Variants in SCAPER observed in about 807,000 individuals in gnomAD.
SCAPER encodes S phase cyclin A-associated protein in the endoplasmic reticulum.
A neutral mutation model predicts 182.2 loss-of-function variants in SCAPER; 98 were observed. The ratio of observed to expected loss-of-function variants is 0.54; its 90% CI spans 0.46 to 0.64. SCAPER has a LOEUF of 0.64. SCAPER is among the 30% of genes least tolerant of loss of function. The pLI is 0.00. For missense variants in SCAPER, 1,432 were observed against 1,690.0 expected, an observed-to-expected ratio of 0.85 and a Z score of 2.68; for synonymous variants, 605 against 564.6, an observed-to-expected ratio of 1.07 and a Z score of -1.01.
At chr15:76,668,834 CA>C (rs890377891) in intron 20 of SCAPER, among the ~76,000 whole-genome samples, 5 of 152,194 alleles carry the variant, frequency 3.3e-5, no homozygotes, top group Admixed American at 2.0e-4. Context: ...AAAAGAGAGT[CA>C]ATGTAATAAC....
At chr15:76,674,920 C>T (rs2057276290) in intron 20 of SCAPER, among the ~76,000 whole-genome samples, 1 of 152,220 alleles carries the variant, frequency 6.6e-6, no homozygotes, top group Admixed American at 6.5e-5. Context: ...ATGATTGTGA[C>T]AAGTTTTAAA....
At chr15:76,549,589 G>T (rs1036314458) in intron 23 of SCAPER, among the ~76,000 whole-genome samples, 3 of 152,090 alleles carry the variant, frequency 2.0e-5, no homozygotes. Flanking sequence ...ACACTCTGGG[G>T]ACTGTTGTGG....
chr15:76,871,300 T>C (rs1373487627), intron 2 of SCAPER, among the ~76,000 whole-genome samples: 1 of 150,722 alleles, frequency 6.6e-6, no homozygotes, highest in African/African-American at 2.4e-5. Context: ...TCCCAGCTAC[T>C]TGGGGGACTG....
intron 5 of SCAPER, among the ~76,000 whole-genome samples, chr15:76,816,777 C>T (rs537041991): frequency 2.6e-5 from 4 of 151,836 alleles, no homozygotes; most frequent in South Asian, 2.1e-4. Context: ...CTCAGCCTCC[C>T]GAGTAGCTGG....
intron 2 of SCAPER, among the ~76,000 whole-genome samples, chr15:76,880,001 C>G (rs539157245): frequency 6.6e-6 from 1 of 152,218 alleles, no homozygotes; most frequent in Non-Finnish European, 1.5e-5. Context: ...GAATAACTGG[C>G]AGAATGATTT....
At chr15:76,817,755 G>A (rs987545196) in intron 5 of SCAPER, among the ~76,000 whole-genome samples, 15 of 151,946 alleles carry the variant, frequency 9.9e-5, no homozygotes, top group African/African-American at 3.6e-4. Flanking sequence ...AAATACTTAG[G>A]TATAAAACTA....
At chr15:76,724,211 C>G (rs559539171) in intron 17 of SCAPER, among the ~76,000 whole-genome samples, 16 of 149,478 alleles carry the variant, frequency 1.1e-4, no homozygotes, top group Admixed American at 1.0e-3. Context: ...ATATGAAATA[C>G]TGGGTTGAAA....
intron 26 of SCAPER, among the ~76,000 whole-genome samples, chr15:76,428,192 T>G (rs552643216): frequency 2.0e-5 from 3 of 152,160 alleles, no homozygotes; most frequent in Admixed American, 2.0e-4. Context: ...TAAACTAGTA[T>G]AGCCATCATG....
intron 16 of SCAPER, among the ~76,000 whole-genome samples, chr15:76,732,313 A>T (rs1467373417): frequency 2.0e-5 from 3 of 152,230 alleles, no homozygotes; most frequent in Non-Finnish European, 1.5e-5. Context: ...TATAGATCAC[A>T]GATATGATTA....
At chr15:76,498,171 G>A (rs1360192673) in intron 24 of SCAPER, among the ~76,000 whole-genome samples, 1 of 152,054 alleles carries the variant, frequency 6.6e-6, no homozygotes, top group East Asian at 1.9e-4. Flanking sequence ...CTAATATTTA[G>A]AGTTTAATAT....
intron 29 of SCAPER, among the ~76,000 whole-genome samples, chr15:76,375,439 A>C (rs2042488791): frequency 6.6e-6 from 1 of 152,054 alleles, no homozygotes; most frequent in Admixed American, 6.6e-5. Flanking sequence ...AGCCAAGAAC[A>C]GTTTCATAGA....
intron 29 of SCAPER, among the ~76,000 whole-genome samples, chr15:76,370,291 ATT>A (rs10524497): frequency 8.4e-5 from 10 of 119,450 alleles, no homozygotes; most frequent in South Asian, 8.1e-4. Flanking sequence ...TACCATTTCA[ATT>A]TTTTTTTTTT....
intron 2 of SCAPER, among the ~76,000 whole-genome samples, chr15:76,870,203 GT>G (rs1417898666): frequency 1.3e-5 from 2 of 152,100 alleles, no homozygotes; most frequent in African/African-American, 4.8e-5. Context: ...GGTGACTATA[GT>G]TATAATACTT....
At chr15:76,897,748 G>A (rs12591036) in intron 1 of SCAPER, among the ~76,000 whole-genome samples, 2 of 152,156 alleles carry the variant, frequency 1.3e-5, no homozygotes, top group Non-Finnish European at 2.9e-5. Flanking sequence ...AGTCCCACCA[G>A]ATACTGATTA....
intron 20 of SCAPER, among the ~76,000 whole-genome samples, chr15:76,679,182 AAT>A (rs1056724193): frequency 1.3e-5 from 2 of 152,164 alleles, no homozygotes; most frequent in Non-Finnish European, 2.9e-5. Context: ...TTCATATAAA[AAT>A]GAGTGTGTTT....
At chr15:76,893,182 G>T (rs569877789) in intron 1 of SCAPER, among the ~76,000 whole-genome samples, 9 of 152,148 alleles carry the variant, frequency 5.9e-5, no homozygotes, top group South Asian at 2.1e-4. Context: ...GTCACTGGGT[G>T]GGGGGCTGAG....
At chr15:76,778,799 G>T (rs965751471) in intron 8 of SCAPER, among the ~76,000 whole-genome samples, 1 of 151,910 alleles carries the variant, frequency 6.6e-6, no homozygotes, top group African/African-American at 2.4e-5. Context: ...CAGTACATAA[G>T]TATATACTTA....
At chr15:76,759,453 T>G (rs114072146) in intron 14 of SCAPER, among the ~76,000 whole-genome samples, 1 of 152,086 alleles carries the variant, frequency 6.6e-6, no homozygotes, top group African/African-American at 2.4e-5. Context: ...ACTCCTGCAA[T>G]AAGAACCCAC....
At chr15:76,797,257 C>T (rs185170164) in intron 7 of SCAPER, 1 of 152,226 alleles carries the variant, frequency 6.6e-6, no homozygotes, top group Non-Finnish European at 1.5e-5. Flanking sequence ...AACATTCACT[C>T]TAAAGAAGTA....
Sources: allele counts gnomAD v4.1 joint callset (sites outside exome capture counted in the v4.1 genomes callset), GRCh38; gene constraint gnomAD v4.1.1; transcripts MANE v1.5; gene names NCBI Gene and HGNC (gene_info 2026-07-23, HGNC 2026-07-21).